KLRG1: variants seen among roughly 807,000 people sequenced by gnomAD.
KLRG1 encodes killer cell lectin-like receptor subfamily G member 1.
Under a neutral mutation model 21.8 loss-of-function variants are expected in KLRG1, and 16 were observed. That is an observed-to-expected ratio of 0.73 (90% CI 0.50 to 1.11). The LOEUF (loss-of-function observed/expected upper bound fraction) is 1.11. KLRG1 is among the 50% of genes most tolerant of loss of function. The probability of loss-of-function intolerance (pLI) is 0.00; values close to 1 mark genes in which losing one functional copy is unlikely to be tolerated. For missense variants in KLRG1, 173 were observed against 218.3 expected, an observed-to-expected ratio of 0.79 and a Z score of 1.31; for synonymous variants, 69 against 75.9, an observed-to-expected ratio of 0.91 and a Z score of 0.47.
chr12:9,000,680 C>G (rs1947279932), intron 3 of KLRG1, among the ~76,000 whole-genome samples: 1 of 152,202 alleles, frequency 6.6e-6, no homozygotes, highest in African/African-American at 2.4e-5. Context: ...CAAGGTTCTT[C>G]CGTGTTGTAG....
At chr12:9,171,261 T>C in the KLRG1 span, among the ~76,000 whole-genome samples, 1 of 152,136 alleles carries the variant, frequency 6.6e-6, no homozygotes, top group Non-Finnish European at 1.5e-5. Flanking sequence ...AGCAGCCCTA[T>C]GATAGAGTGG....
chr12:9,121,203 GA>G, the KLRG1 span, among the ~76,000 whole-genome samples: 1 of 152,014 alleles, frequency 6.6e-6, no homozygotes, highest in Non-Finnish European at 1.5e-5. The surrounding 1 kb of genome is among the most constrained non-coding windows in gnomAD (Gnocchi z 4.4). Flanking sequence ...TTTTTAATGA[GA>G]AAAAATATTT....
chr12:9,175,812 T>G, the KLRG1 span, among the ~76,000 whole-genome samples: 1 of 152,038 alleles, frequency 6.6e-6, no homozygotes, highest in Non-Finnish European at 1.5e-5. Flanking sequence ...AAACAACAGA[T>G]GCTGATGAGG....
At chr12:9,160,820 C>T in the KLRG1 span, among the ~76,000 whole-genome samples, 1 of 151,620 alleles carries the variant, frequency 6.6e-6, no homozygotes, top group Non-Finnish European at 1.5e-5. Context: ...GAGGCTGAGG[C>T]AGGAGAATGG....
the KLRG1 span, among the ~76,000 whole-genome samples, chr12:9,025,961 A>G: frequency 1.3e-5 from 2 of 152,234 alleles, no homozygotes; most frequent in African/African-American, 4.8e-5. Context: ...CAAAGGGGAA[A>G]GAGAGGCATC....
At chr12:8,977,294 C>T (rs1946672741) in intron 1 of KLRG1, among the ~76,000 whole-genome samples, 1 of 151,322 alleles carries the variant, frequency 6.6e-6, no homozygotes, top group African/African-American at 2.4e-5. Flanking sequence ...AGCTCCGCCT[C>T]CTGGGTTCTG....
At chr12:9,139,941 G>T in the KLRG1 span, among the ~76,000 whole-genome samples, 1 of 152,198 alleles carries the variant, frequency 6.6e-6, no homozygotes. Flanking sequence ...ATGTTTCTGT[G>T]TGGAGGAGAA....
the KLRG1 span, among the ~76,000 whole-genome samples, chr12:9,059,273 A>G: frequency 6.6e-6 from 1 of 152,194 alleles, no homozygotes; most frequent in East Asian, 1.9e-4. Context: ...GTACTTAATT[A>G]TATCTTGCCC....
the KLRG1 span, chr12:9,153,271 G>A: frequency 6.2e-7 from 1 of 1,614,166 alleles, no homozygotes; most frequent in East Asian, 2.2e-5. Flanking sequence ...ACGGTGACCT[G>A]TGCAGTTTTC....
intron 2 of KLRG1, among the ~76,000 whole-genome samples, chr12:8,993,140 T>A (rs973971055): frequency 5.9e-5 from 9 of 151,666 alleles, no homozygotes; most frequent in African/African-American, 9.7e-5. Context: ...AACTAATTTT[T>A]AAGTTTAGTT....
At chr12:9,156,267 A>T in the KLRG1 span, 1 of 210,154 alleles carries the variant, frequency 4.8e-6, no homozygotes, top group Non-Finnish European at 1.0e-5. Context: ...TCGCTTTGGG[A>T]AACTTCAGTG....
chr12:9,175,074 A>G, the KLRG1 span, among the ~76,000 whole-genome samples: 1 of 152,250 alleles, frequency 6.6e-6, no homozygotes, highest in African/African-American at 2.4e-5. Context: ...CTACAAGGTT[A>G]CAGTAACCAA....
At chr12:9,198,596 G>A in the KLRG1 span, among the ~76,000 whole-genome samples, 2 of 152,164 alleles carry the variant, frequency 1.3e-5, no homozygotes, top group South Asian at 2.1e-4. Context: ...AACACATGAG[G>A]CATGTAAATA....
chr12:9,056,563 G>A, the KLRG1 span, among the ~76,000 whole-genome samples: 2 of 150,182 alleles, frequency 1.3e-5, no homozygotes, highest in East Asian at 1.9e-4. Flanking sequence ...TTTACTTGGG[G>A]GGTGTGTGTG....
chr12:9,042,773 A>G, the KLRG1 span, among the ~76,000 whole-genome samples: 3 of 151,506 alleles, frequency 2.0e-5, no homozygotes, highest in Admixed American at 6.6e-5. Flanking sequence ...TCAAACTTTT[A>G]TAGTCAGGAA....
the KLRG1 span, chr12:9,098,706 G>A: frequency 4.3e-6 from 7 of 1,612,748 alleles, no homozygotes; most frequent in Non-Finnish European, 5.9e-6. Context: ...TGACTCGCAG[G>A]TGGGCGTGTG....
chr12:9,081,074 T>A, the KLRG1 span, among the ~76,000 whole-genome samples: 1 of 152,024 alleles, frequency 6.6e-6, no homozygotes, highest in Non-Finnish European at 1.5e-5. Context: ...AAAAAACAGA[T>A]GCCATAAACA....
chr12:9,140,024 G>A, the KLRG1 span, among the ~76,000 whole-genome samples: 1 of 152,208 alleles, frequency 6.6e-6, no homozygotes, highest in Non-Finnish European at 1.5e-5. Context: ...TGGCCGGAGA[G>A]GAGGTTATCT....
the KLRG1 span, chr12:9,201,057 G>A: frequency 6.2e-7 from 1 of 1,613,704 alleles, no homozygotes; most frequent in South Asian, 1.1e-5. Context: ...TTTCTTCTTG[G>A]GTTCTGAAGG....
Sources: gnomAD v4.1 joint callset for allele counts (sites outside exome capture counted in the v4.1 genomes callset) on GRCh38, gnomAD v4.1.1 for gene constraint, Gnocchi (gnomAD v3.1) non-coding constraint, MANE v1.5 for transcripts, NCBI Gene and HGNC (gene_info 2026-07-23, HGNC 2026-07-21) for gene names.